CTNND2: variants seen among roughly 807,000 people sequenced by gnomAD.
The protein encoded by CTNND2 is catenin delta 2.
CTNND2 carries 22 observed loss-of-function variants against 144.4 expected under a neutral mutation model. The ratio of observed to expected loss-of-function variants is 0.15; its 90% CI spans 0.11 to 0.22. CTNND2 has a LOEUF of 0.22. Ranked by LOEUF, CTNND2 falls within the 10% of genes least tolerant of loss-of-function variation. The probability of loss-of-function intolerance (pLI) is 1.00; values close to 1 mark genes in which losing one functional copy is unlikely to be tolerated. For synonymous variants in CTNND2, 751 were observed against 695.6 expected (o/e 1.08, Z -1.25); for missense variants, 1,353 against 1,618.8 (o/e 0.84, Z 2.82).
intron 1 of CTNND2, among the ~76,000 whole-genome samples, chr5:11,771,533 T>A (rs1034516805): frequency 6.6e-6 from 1 of 152,330 alleles, no homozygotes; most frequent in Non-Finnish European, 1.5e-5. Flanking sequence ...AGGGTTTTTT[T>A]AAATGAGAGA....
chr5:11,304,680 C>A (rs908722020), intron 9 of CTNND2, among the ~76,000 whole-genome samples: 4 of 152,178 alleles, frequency 2.6e-5, no homozygotes, highest in Non-Finnish European at 4.4e-5. Flanking sequence ...CACGTGGCAG[C>A]CCACTTGGTT....
rs998808562 is a variant in CTNND2, at chr5:11,110,883, T to C, written c.2438A>G (p.Lys813Arg). Residue 813 changes from lysine (K) to arginine (R), a missense_variant, in exon 14 of 22, where the codon AAG (lysine) becomes AGG (arginine). Coordinates refer to ENST00000304623, the MANE Select transcript of CTNND2 (RefSeq NM_001332.4). ...AESSGCWGKK[K>R]KKKKSQDQWD... Reference sequence around the variant, plus strand: ...CTGATCTTGGGATTTCTTTTTCTTCTTCTTCTTGCCCCAGCACCCAGAGCT... The same window carrying C: ...CTGATCTTGGGATTTCTTTTTCTTCCTCTTCTTGCCCCAGCACCCAGAGCT... 5 of 1,613,482 alleles carry C rather than the reference T, an allele frequency of 3.1e-6. No individual in the cohort carries two copies. The African/African-American group carries it at 6.7e-5, about 22-fold the overall frequency.
intron 16 of CTNND2, among the ~76,000 whole-genome samples, chr5:11,044,545 CATATAT>C (rs35127513): frequency 6.8e-6 from 1 of 146,676 alleles, no homozygotes; most frequent in South Asian, 2.1e-4. Flanking sequence ...AAAAAAAATA[CATATAT>C]ATATATATAT....
At chr5:11,012,527 G>A (rs1741197229) in intron 18 of CTNND2, among the ~76,000 whole-genome samples, 1 of 152,186 alleles carries the variant, frequency 6.6e-6, no homozygotes, top group Non-Finnish European at 1.5e-5. Flanking sequence ...CGGCTGCCAA[G>A]CAACCCTAGC....
intron 16 of CTNND2, among the ~76,000 whole-genome samples, chr5:11,034,312 G>T (rs188620461): frequency 5.3e-5 from 8 of 152,258 alleles, no homozygotes; most frequent in South Asian, 2.1e-4. Context: ...ATTTAAAAAG[G>T]TTAACGAGTG....
rs560864869 is a variant in CTNND2, at chr5:11,704,654, A to G, written c.174+27482T>C. Among the ~76,000 whole-genome samples the G allele has an allele frequency of 6.6e-5, 10 of 151,956 alleles. No individual in the cohort carries two copies. In the South Asian group the frequency reaches 1.7e-3, roughly 25 times the overall value. On this transcript the variant is annotated intron_variant, in intron 2 of 21. Transcript: ENST00000304623. Reference sequence around the variant, plus strand: ...GATGCATCCTAACCTTTAACCCACAATAAGAGAAATGTACTTAAGCCCACC... The same window carrying G: ...GATGCATCCTAACCTTTAACCCACAGTAAGAGAAATGTACTTAAGCCCACC...
chr5:11,181,865 TTA>T (rs1335049068), intron 11 of CTNND2, among the ~76,000 whole-genome samples: 1 of 63,574 alleles, frequency 1.6e-5, no homozygotes, highest in Non-Finnish European at 4.1e-5. Context: ...TGTGTGTGTG[TTA>T]TGTGTGGCGT....
chr5:11,852,805 T>G (rs1795078967), intron 1 of CTNND2, among the ~76,000 whole-genome samples: 1 of 152,168 alleles, frequency 6.6e-6, no homozygotes, highest in South Asian at 2.1e-4. Context: ...AATTAATTAT[T>G]CAGCAAAAAG....
chr5:11,336,159 G>T (rs1753701890), intron 9 of CTNND2, among the ~76,000 whole-genome samples: 1 of 152,164 alleles, frequency 6.6e-6, no homozygotes, highest in Non-Finnish European at 1.5e-5. Context: ...CTCTCACCCT[G>T]TGGAGTTATA....
In CTNND2 at chr5:11,732,378, A is replaced by G. The variant is rs1787441197; in HGVS notation, c.38-106T>C. 7 of 1,106,150 alleles carry G rather than the reference A, an allele frequency of 6.3e-6. No homozygotes were observed. The East Asian group carries it at 1.7e-4, about 27-fold the overall frequency. 68.5% of individuals were successfully genotyped at this position (1,106,150 alleles called of 1,614,324 possible). On this transcript the variant is annotated intron_variant, in intron 1 of 21. Coordinates refer to ENST00000304623, the MANE Select transcript of CTNND2 (RefSeq NM_001332.4). ...ACACAGAAAAAAAAGTAAAACTATAAGCTGCTGAGAAAGACCAAGACATAA... is the reference window on the plus strand; with the variant it reads ...ACACAGAAAAAAAAGTAAAACTATAGGCTGCTGAGAAAGACCAAGACATAA...
intron 1 of CTNND2, among the ~76,000 whole-genome samples, chr5:11,843,171 G>A (rs1322700073): frequency 6.6e-6 from 1 of 152,264 alleles, no homozygotes; most frequent in South Asian, 2.1e-4. Flanking sequence ...ACTAAAAAAC[G>A]TGAAAATATG....
chr5:11,368,977 C>A (rs1757220825), intron 7 of CTNND2, among the ~76,000 whole-genome samples: 1 of 152,158 alleles, frequency 6.6e-6, no homozygotes, highest in African/African-American at 2.4e-5. Context: ...AATTATGTCA[C>A]CTCATGCAAA....
At chr5:11,088,179 C>A (rs1750377152) in intron 15 of CTNND2, among the ~76,000 whole-genome samples, 1 of 152,060 alleles carries the variant, frequency 6.6e-6, no homozygotes, top group Non-Finnish European at 1.5e-5. Flanking sequence ...TAAATACAAC[C>A]CTGTTAAATG....
chr5:11,895,453 T>C (rs1449783464), intron 1 of CTNND2, among the ~76,000 whole-genome samples: 2 of 152,214 alleles, frequency 1.3e-5, no homozygotes, highest in East Asian at 1.9e-4. Context: ...TGACACTTAG[T>C]AGTAAAATAA....
At chr5:11,547,876 C>T (rs1246096525) in intron 3 of CTNND2, among the ~76,000 whole-genome samples, 1 of 152,204 alleles carries the variant, frequency 6.6e-6, no homozygotes, top group Non-Finnish European at 1.5e-5. Context: ...ACAACCCAGT[C>T]ATTTCTCTTC....
chr5:11,110,237 C>T (rs13170756), intron 14 of CTNND2, among the ~76,000 whole-genome samples: 4 of 152,090 alleles, frequency 2.6e-5, no homozygotes, highest in African/African-American at 9.7e-5. Flanking sequence ...AACCTACTTC[C>T]CGCTGCAGCA....
intron 14 of CTNND2, among the ~76,000 whole-genome samples, chr5:11,103,924 CA>C (rs1752161446): frequency 6.6e-6 from 1 of 152,144 alleles, no homozygotes; most frequent in African/African-American, 2.4e-5. Flanking sequence ...ACTGAGGAGA[CA>C]CCAACAAGGA....
intron 1 of CTNND2, among the ~76,000 whole-genome samples, chr5:11,883,542 G>A (rs1736291625): frequency 6.6e-6 from 1 of 152,158 alleles, no homozygotes; most frequent in African/African-American, 2.4e-5. Context: ...AGTATTCCAC[G>A]GTGTATATGT....
intron 11 of CTNND2, among the ~76,000 whole-genome samples, chr5:11,183,028 A>G (rs1307828650): frequency 6.6e-6 from 1 of 152,188 alleles, no homozygotes; most frequent in Admixed American, 6.5e-5. Flanking sequence ...TGCTTTTGGG[A>G]GAGTTGCCCT....
Sources: allele counts gnomAD v4.1 joint callset (sites outside exome capture counted in the v4.1 genomes callset), GRCh38; gene constraint gnomAD v4.1.1; transcripts MANE v1.5; gene names NCBI Gene and HGNC (gene_info 2026-07-23, HGNC 2026-07-21).